IL1RAPL1: variants seen among roughly 807,000 people sequenced by gnomAD.
The protein encoded by IL1RAPL1 is interleukin 1 receptor accessory protein like 1, also known as interleukin-1 receptor accessory protein-like 1.
Under a neutral mutation model 48.4 loss-of-function variants are expected in IL1RAPL1, and 3 were observed. The ratio of observed to expected loss-of-function variants is 0.06; its 90% CI spans 0.03 to 0.16. The LOEUF (loss-of-function observed/expected upper bound fraction) is 0.16. IL1RAPL1 is among the 10% of genes least tolerant of loss of function. The pLI, the probability that IL1RAPL1 is intolerant of heterozygous loss-of-function variation, is 1.00. For synonymous variants in IL1RAPL1, 185 were observed against 187.7 expected (o/e 0.99, Z 0.12); for missense variants, 349 against 530.6 (o/e 0.66, Z 3.36).
Position 28,845,683 on chromosome X carries a change from G to C in IL1RAPL1, c.82+56258G>C, listed in dbSNP as rs141306038. Among the ~76,000 whole-genome samples the C allele has an allele frequency of 2.7e-5, 3 of 111,445 alleles. No homozygotes were observed. The South Asian group carries it at 1.1e-3, about 41-fold the overall frequency. ...AATACAAGGTCAATCCTCATATAAA[G>C]TATAAATAAATCAGGGGATTCTATT... On this transcript the variant is annotated intron_variant, in intron 2 of 10. Coordinates refer to ENST00000378993, the MANE Select transcript of IL1RAPL1 (RefSeq NM_014271.4).
chrX:29,725,044 A>G (rs147554567), intron 6 of IL1RAPL1, among the ~76,000 whole-genome samples: 45 of 110,843 alleles, frequency 4.1e-4, no homozygotes, highest in African/African-American at 1.4e-3. Flanking sequence ...AAGACAGTCA[A>G]CTCTGAATTA....
intron 2 of IL1RAPL1, among the ~76,000 whole-genome samples, chrX:28,832,910 A>G (rs1259239324): frequency 1.9e-5 from 2 of 106,567 alleles, no homozygotes; most frequent in African/African-American, 6.9e-5. Context: ...TGGGATACAA[A>G]TGATCATGTC....
At chrX:29,847,489 C>T (rs920643573) in intron 6 of IL1RAPL1, among the ~76,000 whole-genome samples, 1 of 112,040 alleles carries the variant, frequency 8.9e-6, no homozygotes, top group African/African-American at 3.2e-5. Flanking sequence ...CAAAATACAG[C>T]ATCATTTTAA....
At chrX:29,867,782 T>C (rs1241664624) in intron 6 of IL1RAPL1, among the ~76,000 whole-genome samples, 2 of 112,060 alleles carry the variant, frequency 1.8e-5, no homozygotes, top group Non-Finnish European at 3.8e-5. Context: ...CTCAATTCCA[T>C]GTTTTATCCC....
intron 5 of IL1RAPL1, among the ~76,000 whole-genome samples, chrX:29,603,265 C>CACA (rs770485678): frequency 1.6e-5 from 1 of 62,867 alleles, no homozygotes; most frequent in Non-Finnish European, 3.3e-5. Flanking sequence ...GACTCTATCT[C>CACA]AAAAAAAAAA....
chrX:28,878,984 T>G (rs1922440839), intron 2 of IL1RAPL1, among the ~76,000 whole-genome samples: 1 of 108,331 alleles, frequency 9.2e-6, no homozygotes. Context: ...CAAACTTGAA[T>G]GTCCATAGTA....
intron 2 of IL1RAPL1, among the ~76,000 whole-genome samples, chrX:29,208,283 C>A (rs1930702409): frequency 9.0e-6 from 1 of 111,577 alleles, no homozygotes; most frequent in South Asian, 3.7e-4. Context: ...CCAACAGACT[C>A]AGTCAACAAA....
chrX:28,659,572 G>C (rs1934792795), intron 1 of IL1RAPL1: 2 of 420,951 alleles, frequency 4.8e-6, no homozygotes, highest in East Asian at 4.1e-5. Flanking sequence ...GCTAGCTGGC[G>C]AGCTAGAGAG....
At chrX:29,763,964 G>A (rs1485608728) in intron 6 of IL1RAPL1, among the ~76,000 whole-genome samples, 6 of 102,334 alleles carry the variant, frequency 5.9e-5, no homozygotes, top group Non-Finnish European at 9.9e-5. Flanking sequence ...CTTAATATGC[G>A]TGCATTGTGA....
chrX:29,305,788 T>C (rs931826919), intron 3 of IL1RAPL1, among the ~76,000 whole-genome samples: 5 of 111,858 alleles, frequency 4.5e-5, no homozygotes, highest in African/African-American at 1.6e-4. Context: ...AGCGGTTATA[T>C]GAGTATGGAA....
intron 2 of IL1RAPL1, among the ~76,000 whole-genome samples, chrX:28,932,360 A>T (rs1923907014): frequency 9.0e-6 from 1 of 111,622 alleles, no homozygotes; most frequent in Admixed American, 9.5e-5. Context: ...AGAATCTCTT[A>T]TCTTTAAAAA....
At chrX:28,606,359 C>T (rs1170811293) in intron 1 of IL1RAPL1, among the ~76,000 whole-genome samples, 2 of 112,043 alleles carry the variant, frequency 1.8e-5, no homozygotes, top group African/African-American at 3.2e-5. Flanking sequence ...TGTCTCATGG[C>T]GTAAACACAC....
chrX:29,887,870 T>C (rs1435592240), intron 6 of IL1RAPL1, among the ~76,000 whole-genome samples: 2 of 111,176 alleles, frequency 1.8e-5, no homozygotes, highest in East Asian at 5.6e-4. Flanking sequence ...CCTTATTGTC[T>C]CAGAGAAGGA....
intron 5 of IL1RAPL1, among the ~76,000 whole-genome samples, chrX:29,578,366 T>A (rs1347419099): frequency 8.9e-6 from 1 of 112,320 alleles, no homozygotes; most frequent in East Asian, 2.8e-4. Flanking sequence ...GGATGATGAT[T>A]ATACCTATCT....
intron 2 of IL1RAPL1, among the ~76,000 whole-genome samples, chrX:29,172,438 A>G (rs1929926907): frequency 9.0e-6 from 1 of 111,529 alleles, no homozygotes; most frequent in Admixed American, 9.6e-5. Flanking sequence ...TTTATTGTAT[A>G]TATTTGAGGC....
chrX:29,380,154 T>C (rs1029780246), intron 3 of IL1RAPL1, among the ~76,000 whole-genome samples: 1 of 109,711 alleles, frequency 9.1e-6, no homozygotes, highest in Non-Finnish European at 1.9e-5. Flanking sequence ...ATCGGAACAT[T>C]TCATAGCTTA....
At chrX:29,098,893 G>T (rs1053209263) in intron 2 of IL1RAPL1, among the ~76,000 whole-genome samples, 1 of 112,452 alleles carries the variant, frequency 8.9e-6, no homozygotes. Flanking sequence ...GCTCACGCCT[G>T]TAATCCCAGC....
At chrX:29,381,878 G>T (rs2147675019) in intron 3 of IL1RAPL1, among the ~76,000 whole-genome samples, 1 of 96,266 alleles carries the variant, frequency 1.0e-5, no homozygotes, top group Admixed American at 1.2e-4. Flanking sequence ...ATACTTATGT[G>T]CTTTGTACAT....
At chrX:28,907,472 C>T (rs1448604940) in intron 2 of IL1RAPL1, among the ~76,000 whole-genome samples, 2 of 111,988 alleles carry the variant, frequency 1.8e-5, no homozygotes, top group African/African-American at 6.5e-5. Context: ...CCAGGGCTGT[C>T]TCAAACTCCT....
Sources: allele counts gnomAD v4.1 joint callset (sites outside exome capture counted in the v4.1 genomes callset), GRCh38; gene constraint gnomAD v4.1.1; transcripts MANE v1.5; gene names NCBI Gene and HGNC (gene_info 2026-07-23, HGNC 2026-07-21).